KDM4C: variants seen among roughly 807,000 people sequenced by gnomAD.
KDM4C encodes the protein lysine-specific demethylase 4C.
Under a neutral mutation model 129.3 loss-of-function variants are expected in KDM4C, and 81 were observed. That is an observed-to-expected ratio of 0.63 (90% CI 0.52 to 0.75). The LOEUF (loss-of-function observed/expected upper bound fraction) is 0.75. Ranked by LOEUF, KDM4C falls within the 30% of genes least tolerant of loss-of-function variation. The probability of loss-of-function intolerance (pLI) is 0.00; values close to 1 mark genes in which losing one functional copy is unlikely to be tolerated. For synonymous variants in KDM4C, 573 were observed against 456.1 expected (o/e 1.26, Z -3.26); for missense variants, 1,457 against 1,304.0 (o/e 1.12, Z -1.81).
intron 1 of KDM4C, among the ~76,000 whole-genome samples, chr9:6,768,563 G>C (rs1005187391): frequency 6.6e-6 from 1 of 151,914 alleles, no homozygotes; most frequent in Non-Finnish European, 1.5e-5. Context: ...CTAATTTTTA[G>C]ATTCTTCATA....
intron 8 of KDM4C, among the ~76,000 whole-genome samples, chr9:6,928,199 A>G (rs1257565628): frequency 6.6e-6 from 1 of 152,160 alleles, no homozygotes; most frequent in East Asian, 1.9e-4. Context: ...CATTCTTCTC[A>G]TAACACTATA....
intron 8 of KDM4C, among the ~76,000 whole-genome samples, chr9:6,936,152 A>G (rs1350227715): frequency 6.6e-6 from 1 of 152,198 alleles, no homozygotes; most frequent in African/African-American, 2.4e-5. Flanking sequence ...AGAGAAGGGA[A>G]AAAATTCCAT....
intron 4 of KDM4C, among the ~76,000 whole-genome samples, chr9:6,825,028 C>T (rs1163048659): frequency 6.6e-6 from 1 of 151,806 alleles, no homozygotes; most frequent in Admixed American, 6.6e-5. Flanking sequence ...CACCTGTAGT[C>T]CCAGCTACCC....
intron 4 of KDM4C, among the ~76,000 whole-genome samples, chr9:6,820,714 CTTTTTTTTT>C (rs35264767): frequency 2.4e-5 from 3 of 127,170 alleles, no homozygotes; most frequent in South Asian, 5.2e-4. Flanking sequence ...CTCTCTCTCT[CTTTTTTTTT>C]TTTTTTTTTT....
upstream of KDM4C, chr9:6,757,803 T>C (rs1056927805): frequency 4.1e-6 from 4 of 985,564 alleles, no homozygotes; most frequent in African/African-American, 5.2e-5. Context: ...GATATGCCTG[T>C]GTCCAAAGGA....
At chr9:6,997,986 CTG>C (rs1188468216) in intron 12 of KDM4C, among the ~76,000 whole-genome samples, 1 of 152,182 alleles carries the variant, frequency 6.6e-6, no homozygotes, top group African/African-American at 2.4e-5. Flanking sequence ...GCAGCCTCAT[CTG>C]TTAATACAAG....
intron 5 of KDM4C, among the ~76,000 whole-genome samples, chr9:6,857,991 T>A (rs1840198135): frequency 6.8e-6 from 1 of 147,380 alleles, no homozygotes; most frequent in Non-Finnish European, 1.5e-5. Context: ...CTGGAACTCC[T>A]GAGCTAAGGC....
chr9:6,953,016 G>C lies in KDM4C; in HGVS notation c.922-27909G>C, dbSNP rs112831665. On this transcript the variant is annotated intron_variant, in intron 8 of 21. Transcript: ENST00000381309. The stretch of plus-strand genomic sequence containing the variant: ...ATTTTAAAAATGGTTTAAGGCAGCA[G>C]AATGAATATGATAAAATGTAATGCA... Among the ~76,000 whole-genome samples the C allele has an allele frequency of 3.9e-3, 590 of 152,298 alleles. 4 individuals are homozygous for C. Among genetic ancestry groups the C allele is most frequent in the Non-Finnish European group, 6.1e-3 (418 of 68,028 alleles).
rs114789947 is a variant in KDM4C, at chr9:7,002,562, A to G, written c.1787-9136A>G. Among the ~76,000 whole-genome samples, 957 of 152,266 alleles carry G rather than the reference A, an allele frequency of 6.3e-3. 12 individuals are homozygous for G. Among genetic ancestry groups the G allele is most frequent in the African/African-American group, 0.022 (904 of 41,552 alleles). On this transcript the variant is annotated intron_variant, in intron 12 of 21. Transcript: ENST00000381309. Reference sequence around the variant, plus strand: ...CTATCTTTGATTTGATGCTCAGAATATGTTCCTTCTGGTGCCATGTTGACA... The same window carrying G: ...CTATCTTTGATTTGATGCTCAGAATGTGTTCCTTCTGGTGCCATGTTGACA...
intron 15 of KDM4C, among the ~76,000 whole-genome samples, chr9:7,035,672 A>C (rs1346717856): frequency 4.6e-5 from 7 of 151,984 alleles, no homozygotes; most frequent in African/African-American, 1.7e-4. Context: ...ATAGGGTGAG[A>C]AGTGGGAGTC....
At chr9:7,042,982 C>G (rs969025775) in intron 15 of KDM4C, among the ~76,000 whole-genome samples, 2 of 152,008 alleles carry the variant, frequency 1.3e-5, no homozygotes, top group African/African-American at 2.4e-5. Flanking sequence ...ATTACAACTA[C>G]TCTATAGTTG....
At chr9:6,735,785 A>G (rs1376594747) in intron 1 of KDM4C, among the ~76,000 whole-genome samples, 1 of 152,170 alleles carries the variant, frequency 6.6e-6, no homozygotes, top group Non-Finnish European at 1.5e-5. Flanking sequence ...AGAGCAGGGC[A>G]CTGCTGTAGA....
chr9:6,843,207 G>A (rs1424412094), intron 4 of KDM4C, among the ~76,000 whole-genome samples: 1 of 152,198 alleles, frequency 6.6e-6, no homozygotes, highest in African/African-American at 2.4e-5. Flanking sequence ...GGGATTACAG[G>A]CATGAGCCAC....
intron 8 of KDM4C, among the ~76,000 whole-genome samples, chr9:6,896,165 T>G (rs1816397765): frequency 6.6e-6 from 1 of 152,226 alleles, no homozygotes; most frequent in Non-Finnish European, 1.5e-5. Context: ...ACTTTTAGCA[T>G]TGAGGATGCC....
chr9:7,171,808 A>C (rs76000601), intron 21 of KDM4C, among the ~76,000 whole-genome samples: 2 of 152,012 alleles, frequency 1.3e-5, no homozygotes, highest in African/African-American at 4.8e-5. Flanking sequence ...ACCAACATTC[A>C]ATTTTTTTTT....
chr9:6,986,720 T>C, intron 11 of KDM4C, 54 bp downstream of exon 11: 8 of 1,316,898 alleles, frequency 6.1e-6, no homozygotes, highest in Non-Finnish European at 8.3e-6. Context: ...AGAGCACATT[T>C]TGAAAACAAC....
At chr9:6,805,397 G>A (rs941539612) in intron 2 of KDM4C, among the ~76,000 whole-genome samples, 1 of 151,598 alleles carries the variant, frequency 6.6e-6, no homozygotes, top group Admixed American at 6.6e-5. Context: ...TACAGTGTTT[G>A]GGATAGTGAG....
chr9:6,789,934 T>TG (rs1015988528), intron 1 of KDM4C, among the ~76,000 whole-genome samples: 3 of 151,908 alleles, frequency 2.0e-5, no homozygotes, highest in Admixed American at 2.0e-4. Context: ...TTAAATTTTA[T>TG]GTATCTCCTA....
At chr9:6,878,985 C>T (rs565086349) in intron 5 of KDM4C, among the ~76,000 whole-genome samples, 3 of 152,210 alleles carry the variant, frequency 2.0e-5, no homozygotes, top group Non-Finnish European at 4.4e-5. Context: ...CCTTAAGCAA[C>T]AGGATATATG....
Sources: gnomAD v4.1 joint callset for allele counts (sites outside exome capture counted in the v4.1 genomes callset) on GRCh38, gnomAD v4.1.1 for gene constraint, MANE v1.5 for transcripts, NCBI Gene and HGNC (gene_info 2026-07-23, HGNC 2026-07-21) for gene names.